Variants in NRG3 observed in about 807,000 individuals in gnomAD.
NRG3 encodes the protein pro-neuregulin-3, membrane-bound isoform.
In NRG3, 31 loss-of-function variants were observed where a neutral mutation model predicts 66.9. That is an observed-to-expected ratio of 0.46 (90% CI 0.35 to 0.63). The LOEUF (loss-of-function observed/expected upper bound fraction) is 0.63. Among genes scored for constraint, NRG3 ranks in the 20% least tolerant of loss-of-function variants. NRG3 has a pLI of 0.00. For synonymous variants in NRG3, 393 were observed against 359.4 expected (o/e 1.09, Z -1.06); for missense variants, 910 against 878.9 (o/e 1.04, Z -0.45).
At chr10:82,819,326 G>T (rs764339341) in intron 3 of NRG3, among the ~76,000 whole-genome samples, 12 of 152,164 alleles carry the variant, frequency 7.9e-5, no homozygotes, top group Non-Finnish European at 1.5e-4. Flanking sequence ...ACATACATAA[G>T]CTGTCAAATA....
intron 5 of NRG3, among the ~76,000 whole-genome samples, chr10:82,956,593 TC>T: frequency 6.6e-6 from 1 of 152,054 alleles, no homozygotes; most frequent in Non-Finnish European, 1.5e-5. Flanking sequence ...TAAAGAAAAT[TC>T]CCTTATAAGT....
At chr10:82,782,376 G>T (rs1200780350) in intron 3 of NRG3, among the ~76,000 whole-genome samples, 1 of 151,938 alleles carries the variant, frequency 6.6e-6, no homozygotes, top group Non-Finnish European at 1.5e-5. Flanking sequence ...TAGCAAGAAG[G>T]GCCTCACCAG....
chr10:82,780,085 C>T (rs1027308283), intron 3 of NRG3, among the ~76,000 whole-genome samples: 23 of 152,002 alleles, frequency 1.5e-4, no homozygotes, highest in African/African-American at 2.2e-4. Context: ...TATTCCATGG[C>T]GTATATGTGC....
intron 2 of NRG3, among the ~76,000 whole-genome samples, chr10:82,423,298 T>G (rs1046839803): frequency 3.3e-5 from 5 of 151,974 alleles, no homozygotes; most frequent in African/African-American, 1.2e-4. Flanking sequence ...TACTAGCATG[T>G]TAGCTTAAAA....
intron 1 of NRG3, among the ~76,000 whole-genome samples, chr10:82,121,757 C>T (rs1444147338): frequency 2.0e-5 from 3 of 152,164 alleles, no homozygotes; most frequent in Non-Finnish European, 4.4e-5. Context: ...GGTCCTCCCA[C>T]CTCAGCCTCC....
intron 2 of NRG3, among the ~76,000 whole-genome samples, chr10:82,536,622 G>A (rs1269916251): frequency 6.6e-6 from 1 of 151,706 alleles, no homozygotes; most frequent in African/African-American, 2.4e-5. Context: ...CTCTTGCTTG[G>A]ACTCAGAGAT....
intron 3 of NRG3, among the ~76,000 whole-genome samples, chr10:82,761,065 T>A (rs1311163753): frequency 6.6e-6 from 1 of 151,880 alleles, no homozygotes; most frequent in Non-Finnish European, 1.5e-5. Context: ...TTCATATTTT[T>A]AAAAATCTAC....
chr10:82,253,336 A>T (rs1169163130), intron 1 of NRG3, among the ~76,000 whole-genome samples: 2 of 152,124 alleles, frequency 1.3e-5, no homozygotes, highest in African/African-American at 4.8e-5. Flanking sequence ...CAAACCCACA[A>T]GATGAACCTT....
intron 4 of NRG3, among the ~76,000 whole-genome samples, chr10:82,912,861 G>A (rs975466609): frequency 1.3e-5 from 2 of 152,028 alleles, no homozygotes; most frequent in African/African-American, 2.4e-5. Context: ...CCTACAGTGT[G>A]CTGTACATTT....
At chr10:82,020,817 C>T (rs1046587114) in intron 1 of NRG3, among the ~76,000 whole-genome samples, 1 of 152,074 alleles carries the variant, frequency 6.6e-6, no homozygotes, top group African/African-American at 2.4e-5. Flanking sequence ...TTATAAATGT[C>T]ACTTCCAATC....
chr10:81,980,118 T>C (rs939031571), intron 1 of NRG3, among the ~76,000 whole-genome samples: 5 of 152,238 alleles, frequency 3.3e-5, no homozygotes, highest in African/African-American at 1.2e-4. Context: ...CGTTTGAATA[T>C]AAAACATTTT....
intron 6 of NRG3, among the ~76,000 whole-genome samples, chr10:82,972,464 C>T (rs916582920): frequency 6.6e-6 from 1 of 152,112 alleles, no homozygotes; most frequent in Non-Finnish European, 1.5e-5. Flanking sequence ...AATAAAATAT[C>T]TTCCACTCCT....
intron 1 of NRG3, among the ~76,000 whole-genome samples, chr10:81,887,311 G>A (rs1369941650): frequency 1.3e-5 from 2 of 152,116 alleles, no homozygotes; most frequent in Non-Finnish European, 2.9e-5. Flanking sequence ...GGGTATAGAA[G>A]ATGGGAGTTT....
intron 1 of NRG3, among the ~76,000 whole-genome samples, chr10:82,259,473 A>C (rs1365928184): frequency 1.3e-5 from 2 of 152,180 alleles, no homozygotes; most frequent in South Asian, 2.1e-4. Flanking sequence ...CAGCACCTAC[A>C]CTCCTCTTTA....
At chr10:82,161,346 G>T (rs1184422608) in intron 1 of NRG3, among the ~76,000 whole-genome samples, 3 of 152,060 alleles carry the variant, frequency 2.0e-5, no homozygotes, top group South Asian at 4.1e-4. Flanking sequence ...GTGTGGATAT[G>T]ATAACACAAG....
intron 2 of NRG3, among the ~76,000 whole-genome samples, chr10:82,548,070 G>A (rs2044051208): frequency 6.9e-6 from 1 of 145,782 alleles, no homozygotes. Flanking sequence ...AATCATGGAA[G>A]GAATTCTAGG....
intron 2 of NRG3, among the ~76,000 whole-genome samples, chr10:82,548,521 T>TCACA (rs762454289): frequency 5.5e-5 from 6 of 108,398 alleles, no homozygotes; most frequent in Admixed American, 9.2e-5. Context: ...ACATTCTGTC[T>TCACA]CTCACACACA....
At chr10:82,772,895 A>G (rs2135191106) in intron 3 of NRG3, among the ~76,000 whole-genome samples, 2 of 151,824 alleles carry the variant, frequency 1.3e-5, no homozygotes, top group East Asian at 3.9e-4. Flanking sequence ...TGTAGAGACA[A>G]GATCTCCCTA....
intron 2 of NRG3, among the ~76,000 whole-genome samples, chr10:82,702,465 AT>A (rs2055959225): frequency 6.6e-6 from 1 of 152,208 alleles, no homozygotes; most frequent in African/African-American, 2.4e-5. Flanking sequence ...TAAAATGCAT[AT>A]GAAGTAATTT....
Sources: gnomAD v4.1 joint callset for allele counts (sites outside exome capture counted in the v4.1 genomes callset) on GRCh38, gnomAD v4.1.1 for gene constraint, MANE v1.5 for transcripts, NCBI Gene and HGNC (gene_info 2026-07-23, HGNC 2026-07-21) for gene names.